TSC1: variants seen among roughly 807,000 people sequenced by gnomAD.
TSC1 encodes the protein TSC complex subunit 1.
In TSC1, 20 loss-of-function variants were observed where a neutral mutation model predicts 124.3. That is an observed-to-expected ratio of 0.16 (90% CI 0.11 to 0.23). The LOEUF (loss-of-function observed/expected upper bound fraction) is 0.23. Ranked by LOEUF, TSC1 falls within the 10% of genes least tolerant of loss-of-function variation. The probability of loss-of-function intolerance (pLI) is 1.00; values close to 1 mark genes in which losing one functional copy is unlikely to be tolerated. For synonymous variants in TSC1, 493 were observed against 539.1 expected (o/e 0.91, Z 1.19); for missense variants, 1,124 against 1,448.5 (o/e 0.78, Z 3.64).
intron 1 of TSC1, among the ~76,000 whole-genome samples, chr9:132,944,306 T>C (rs1847934471): frequency 6.6e-6 from 1 of 152,028 alleles, no homozygotes; most frequent in South Asian, 2.1e-4. Context: ...AGGGGCGAAG[T>C]GCTCCGTCCG....
rs953194928 is a variant in TSC1, at chr9:132,903,686, T to C, written c.2173A>G (p.Lys725Glu). ...TTATGTTCCTCCAGAGCTGCTGCTT[T>C]GATCACCTTGCGGAGGAGCCGCCTG... The part of the protein sequence containing the change: ...RNRRLLRKVI[K>E]AAALEEHNAA... Residue 725 changes from lysine to glutamate, a missense_variant, in exon 17 of 23, where the codon AAA becomes GAA. This residue lies in a region of TSC1 where 321 missense variants were observed against 397.4 expected (regional missense o/e 0.81). Coordinates refer to ENST00000298552, the MANE Select transcript of TSC1 (RefSeq NM_000368.5). This position sits in a 1 kb window ranked among gnomAD's most constrained non-coding sequence, Gnocchi z 5.9. 1.2e-6 allele frequency: 2 copies of C among 1,612,822 alleles called. No homozygotes were observed. The highest frequency in any genetic ancestry group is 1.7e-6 in the Non-Finnish European group (2 of 1,180,032).
In TSC1 at chr9:132,896,252, G is replaced by A. The variant is rs1470270925; in HGVS notation, c.3478C>T (p.His1160Tyr). The change falls in exon 23 of 23, where the codon CAT (histidine) becomes TAT (tyrosine). Residue 1160 changes from histidine to tyrosine, a missense_variant. Physicochemically the swap from His to Tyr is moderately conservative, Grantham distance 83 (BLOSUM62 2). Transcript: ENST00000298552. The surrounding 1 kb of genome is among the most constrained non-coding windows in gnomAD (Gnocchi z 4.5). ...ATCATTCCTTAGCTGTGTTCATGAT[G>A]AGTCTCATTGTAGTCCATGATATGT... ...QLHIMDYNET[H>Y]HEHS The A allele has an allele frequency of 1.9e-6, 3 of 1,614,094 alleles. No individual in the cohort carries two copies. Among genetic ancestry groups the A allele is most frequent in the African/African-American group, 1.3e-5 (1 of 74,928 alleles).
At position 132,894,886 on chromosome 9, in the gene TSC1, C is replaced by T. The variant is rs1195760994; in HGVS notation, c.*1349G>A. The T allele has an allele frequency of 4.3e-6, 1 of 231,582 alleles. No homozygotes were observed. The highest frequency in any genetic ancestry group is 8.5e-6 in the Non-Finnish European group (1 of 117,060). The allele number at this position is 231,582 out of a possible 1,614,324, so 14.3% of individuals were successfully genotyped here. On this transcript the variant is annotated 3_prime_UTR_variant, in exon 23 of 23. Coordinates refer to ENST00000298552, the MANE Select transcript of TSC1 (RefSeq NM_000368.5). Reference sequence around the variant, plus strand: ...AAATCCCCCTGCCTCAGCTGGAACACCAGACCACAGTTCTTAGGCTTCTAG... The same window carrying T: ...AAATCCCCCTGCCTCAGCTGGAACATCAGACCACAGTTCTTAGGCTTCTAG...
chr9:132,942,583 C>G (rs775798497), intron 1 of TSC1, among the ~76,000 whole-genome samples: 29 of 152,250 alleles, frequency 1.9e-4, no homozygotes, highest in Admixed American at 3.9e-4. Flanking sequence ...AGGAAGAGGA[C>G]AACTGAGTCA....
intron 18 of TSC1, 130 bp from the exon 19 acceptor site, chr9:132,901,829 A>C: frequency 1.4e-6 from 1 of 738,836 alleles, no homozygotes; most frequent in Non-Finnish European, 2.3e-6. Context: ...GGGCCCTCAG[A>C]ATTTGATGTC....
chr9:132,913,361 G>T (rs1846068234), intron 8 of TSC1, among the ~76,000 whole-genome samples: 1 of 152,174 alleles, frequency 6.6e-6, no homozygotes, highest in African/African-American at 2.4e-5. Context: ...CACCCCAAAA[G>T]TTCCTTTGTG....
intron 8 of TSC1, among the ~76,000 whole-genome samples, chr9:132,918,531 AG>A (rs1186659790): frequency 2.0e-5 from 3 of 152,232 alleles, no homozygotes; most frequent in African/African-American, 7.2e-5. Flanking sequence ...TAAAACAAGG[AG>A]TACCTGGATA....
At chr9:132,898,881 A>C (rs1240101336) in intron 20 of TSC1, 1 of 152,270 alleles carries the variant, frequency 6.6e-6, no homozygotes, top group Non-Finnish European at 1.5e-5. Flanking sequence ...CCTGGCCAAC[A>C]GGGGTGATGA....
rs1252453764 is a variant in TSC1 at position 132,896,085 on chromosome 9, C to T, written c.*150G>A. Reference sequence around the variant, plus strand: ...AATGCCAGATCCAAAAACCGTTCTGCATTCAGTCAGCTGTCCAAAGGACCT... The same window carrying T: ...AATGCCAGATCCAAAAACCGTTCTGTATTCAGTCAGCTGTCCAAAGGACCT... On this transcript the variant is annotated 3_prime_UTR_variant, in exon 23 of 23. Transcript: ENST00000298552. The surrounding 1 kb of genome is among the most constrained non-coding windows in gnomAD (Gnocchi z 4.5). The T allele has an allele frequency of 2.5e-6, 3 of 1,189,384 alleles. No homozygotes were observed. Among genetic ancestry groups the T allele is most frequent in the Non-Finnish European group, 3.7e-6 (3 of 816,556 alleles). 73.7% of individuals were successfully genotyped at this position (1,189,384 alleles called of 1,614,324 possible). A position where few individuals can be genotyped will look rare whatever the true frequency, so the allele number is the denominator to read the frequency against.
rs569101882 is a variant in TSC1 at position 132,939,818 on chromosome 9, G to C, written c.-143-4723C>G. On this transcript the variant is annotated intron_variant, in intron 1 of 22. Coordinates refer to ENST00000298552, the MANE Select transcript of TSC1 (RefSeq NM_000368.5). ...TCTAGGGCAGTGGTTCTCAAAATGT[G>C]GTCCTGGCACCACGAGCAGGAGCCT... 3.3e-5 allele frequency among the ~76,000 whole-genome samples: 5 copies of C among 152,254 alleles called. No homozygotes were observed. The South Asian group carries it at 1.0e-3, about 32-fold the overall frequency.
At chr9:132,942,632 GCTGGTAGCCAC>G (rs1847800473) in intron 1 of TSC1, among the ~76,000 whole-genome samples, 2 of 152,198 alleles carry the variant, frequency 1.3e-5, no homozygotes, top group African/African-American at 4.8e-5. Context: ...AAACAAGAAG[GCTGGTAGCCAC>G]CTGCTTTCTA....
Position 132,896,401 on chromosome 9 carries a change from G to A in TSC1, c.3329C>T (p.Thr1110Ile), listed in dbSNP as rs952996030. ...SESQCDEDGM[T>I]SSLSESLKTE... ...CTTTAGGCTCTCAGAAAGGCTACTG[G>A]TCATGCCGTCCTCATCACACTGGCT... The change falls in exon 23 of 23, where the codon ACC becomes ATC. Residue 1110 changes from threonine to isoleucine, a missense_variant. Transcript: ENST00000298552. The surrounding 1 kb of genome is among the most constrained non-coding windows in gnomAD (Gnocchi z 4.5). 1.9e-6 allele frequency: 3 copies of A among 1,614,182 alleles called. No individual in the cohort carries two copies. The highest frequency in any genetic ancestry group is 2.5e-6 in the Non-Finnish European group (3 of 1,180,030).
intron 8 of TSC1, among the ~76,000 whole-genome samples, chr9:132,916,582 G>A (rs941575591): frequency 6.6e-6 from 1 of 152,326 alleles, no homozygotes; most frequent in African/African-American, 2.4e-5. Context: ...CTGAGCCACA[G>A]AGTATACTAT....
Position 132,896,380 on chromosome 9 carries a change from A to C in TSC1, c.3350T>G (p.Leu1117Arg). 1.2e-6 allele frequency: 2 copies of C among 1,614,178 alleles called. No homozygotes were observed. The highest frequency in any genetic ancestry group is 1.7e-6 in the Non-Finnish European group (2 of 1,180,032). The change falls in exon 23 of 23, where the codon CTA (leucine) becomes CGA (arginine). Residue 1117 changes from leucine (L) to arginine (R), a missense_variant. Physicochemically the swap from Leu to Arg is moderately radical, Grantham distance 102 (BLOSUM62 -2). Coordinates refer to ENST00000298552, the MANE Select transcript of TSC1 (RefSeq NM_000368.5). The surrounding 1 kb of genome is among the most constrained non-coding windows in gnomAD (Gnocchi z 4.5). ...DGMTSSLSES[L>R]KTELGKDLGV... The stretch of plus-strand genomic sequence containing the variant: ...CAAGTCTTTGCCCAGTTCTGTCTTT[A>C]GGCTCTCAGAAAGGCTACTGGTCAT...
intron 8 of TSC1, among the ~76,000 whole-genome samples, chr9:132,920,964 T>C (rs770837082): frequency 6.6e-6 from 1 of 151,676 alleles, no homozygotes; most frequent in African/African-American, 2.4e-5. Flanking sequence ...CCTCAGGGAC[T>C]CCAAATACTT....
chr9:132,910,014 T>A (rs1845863531), intron 12 of TSC1: 1 of 157,862 alleles, frequency 6.3e-6, no homozygotes, highest in Non-Finnish European at 1.4e-5. Context: ...TGAAGGTGGG[T>A]TTGGTCAGGT....
intron 1 of TSC1, among the ~76,000 whole-genome samples, chr9:132,938,062 C>A (rs1244337472): frequency 6.6e-6 from 1 of 152,116 alleles, no homozygotes; most frequent in Middle Eastern, 3.2e-3. Flanking sequence ...CTTTTAATTT[C>A]TTTATTACTG....
intron 1 of TSC1, among the ~76,000 whole-genome samples, chr9:132,936,397 G>A (rs961053060): frequency 3.3e-5 from 5 of 152,166 alleles, no homozygotes; most frequent in Non-Finnish European, 7.4e-5. Flanking sequence ...TATTACAGAC[G>A]TGAGCCACTG....
chr9:132,904,487 C>G, intron 15 of TSC1, 33 bp from the exon 16 acceptor site: 1 of 1,610,834 alleles, frequency 6.2e-7, no homozygotes, highest in South Asian at 1.1e-5. Flanking sequence ...ACAAAGTTAC[C>G]GATCTTACCA....
Sources: allele counts gnomAD v4.1 joint callset (sites outside exome capture counted in the v4.1 genomes callset), GRCh38; gene constraint gnomAD v4.1.1; regional missense constraint gnomAD v4.1.1; non-coding constraint Gnocchi (gnomAD v3.1); transcripts MANE v1.5; gene names NCBI Gene and HGNC (gene_info 2026-07-23, HGNC 2026-07-21).